UTRN: variants seen among roughly 807,000 people sequenced by gnomAD.
UTRN encodes the protein utrophin.
Under a neutral mutation model 463.9 loss-of-function variants are expected in UTRN, and 283 were observed. The ratio of observed to expected loss-of-function variants is 0.61; its 90% confidence interval spans 0.55 to 0.67. UTRN has a LOEUF of 0.67. UTRN is among the 30% of genes least tolerant of loss of function. The pLI is 0.00. For synonymous variants in UTRN, 1,442 were observed against 1,431.5 expected (o/e 1.01, Z -0.17); for missense variants, 3,922 against 4,084.3 (o/e 0.96, Z 1.08).
At chr6:144,779,246 T>G (rs1562898669) in intron 60 of UTRN, among the ~76,000 whole-genome samples, 1 of 152,186 alleles carries the variant, frequency 6.6e-6, no homozygotes, top group Non-Finnish European at 1.5e-5. Flanking sequence ...TTGAATATGT[T>G]CCTTGGTGTC....
rs142932224 is a variant in UTRN, at chr6:144,827,544, C to T, written c.9534-67C>T. 382 of 1,603,502 alleles carry T rather than the reference C, an allele frequency of 2.4e-4. 1 individual carries two copies. The African/African-American group carries it at 4.8e-3, about 20-fold the overall frequency. ...CAGATTCATTACTTAAGTAACCTAA[C>T]ATTTCTAATAGTAACACCTATCAAT... On this transcript the variant is annotated intron_variant, in intron 67 of 74. Coordinates refer to ENST00000367545, the MANE Select transcript of UTRN (RefSeq NM_007124.3).
At chr6:144,780,930 A>G (rs1416091496) in intron 60 of UTRN, among the ~76,000 whole-genome samples, 2 of 152,156 alleles carry the variant, frequency 1.3e-5, no homozygotes, top group African/African-American at 4.8e-5. Context: ...TTCAAAGCCC[A>G]TTTCAAATCG....
At chr6:144,426,252 A>G (rs1253737971) in intron 6 of UTRN, 35 bp from the exon 7 acceptor site, 5 of 1,577,590 alleles carry the variant, frequency 3.2e-6, no homozygotes, top group Non-Finnish European at 4.3e-6. Context: ...TTACTGAAGT[A>G]TTAGTTATGG....
At chr6:144,704,082 T>C (rs1784844587) in intron 53 of UTRN, among the ~76,000 whole-genome samples, 1 of 152,198 alleles carries the variant, frequency 6.6e-6, no homozygotes, top group Non-Finnish European at 1.5e-5. Flanking sequence ...CTTAGGTCTG[T>C]CTGACTCCAA....
At chr6:144,381,484 G>A (rs968708943) in intron 2 of UTRN, among the ~76,000 whole-genome samples, 5 of 152,122 alleles carry the variant, frequency 3.3e-5, no homozygotes, top group South Asian at 2.1e-4. Flanking sequence ...TTGTAACAGA[G>A]CAATTTATAT....
chr6:144,828,757 A>G (rs747992008), intron 68 of UTRN, 33 bp from the exon 69 acceptor site: 6 of 1,606,870 alleles, frequency 3.7e-6, no homozygotes, highest in East Asian at 2.2e-5. Context: ...CTATATGGCC[A>G]TGTTGTCTAA....
chr6:144,660,339 A>G (rs527630197), intron 51 of UTRN: 99 of 468,312 alleles, frequency 2.1e-4, no homozygotes, highest in Non-Finnish European at 4.2e-4. Flanking sequence ...TTTTTTCACT[A>G]TACATTTAGA....
At chr6:144,526,190 G>A (rs1196356069) in intron 41 of UTRN, among the ~76,000 whole-genome samples, 1 of 152,162 alleles carries the variant, frequency 6.6e-6, no homozygotes, top group Non-Finnish European at 1.5e-5. Context: ...GTAAGTATCT[G>A]TTAAGTCCAT....
intron 51 of UTRN, among the ~76,000 whole-genome samples, chr6:144,659,115 G>A (rs1387407580): frequency 2.0e-5 from 3 of 152,156 alleles, no homozygotes; most frequent in African/African-American, 7.2e-5. Flanking sequence ...ATTTCCTTTT[G>A]TGATTTGTAT....
chr6:144,733,751 G>A (rs1229786012), intron 54 of UTRN, among the ~76,000 whole-genome samples: 1 of 152,144 alleles, frequency 6.6e-6, no homozygotes, highest in Middle Eastern at 3.2e-3. Context: ...GAGCCTTAGA[G>A]ATGAACTAGT....
intron 51 of UTRN, among the ~76,000 whole-genome samples, chr6:144,588,972 T>C (rs1223373895): frequency 6.6e-6 from 1 of 152,146 alleles, no homozygotes; most frequent in Non-Finnish European, 1.5e-5. Context: ...CATCAGAGGG[T>C]TGCTTTTCAT....
intron 46 of UTRN, among the ~76,000 whole-genome samples, chr6:144,548,376 A>T (rs1480336851): frequency 6.6e-6 from 1 of 152,142 alleles, no homozygotes; most frequent in East Asian, 1.9e-4. Context: ...GTTCTCCCAC[A>T]TTTGTACTTT....
At chr6:144,600,276 G>A (rs1804108592) in intron 51 of UTRN, among the ~76,000 whole-genome samples, 1 of 152,206 alleles carries the variant, frequency 6.6e-6, no homozygotes, top group Non-Finnish European at 1.5e-5. Context: ...AGCTAGAAAT[G>A]ATTAAGCTTA....
intron 69 of UTRN, among the ~76,000 whole-genome samples, chr6:144,832,356 A>G (rs1451229725): frequency 6.6e-6 from 1 of 152,226 alleles, no homozygotes; most frequent in Non-Finnish European, 1.5e-5. Flanking sequence ...CCATAATGAA[A>G]GAATGCAATG....
chr6:144,703,927 ATATAT>A, intron 53 of UTRN, among the ~76,000 whole-genome samples: 1 of 152,286 alleles, frequency 6.6e-6, no homozygotes, highest in African/African-American at 2.4e-5. Context: ...TTATGAAATA[ATATAT>A]TAATATTATT....
chr6:144,642,919 T>G (rs1389342202), intron 51 of UTRN, among the ~76,000 whole-genome samples: 5 of 152,224 alleles, frequency 3.3e-5, no homozygotes, highest in African/African-American at 1.2e-4. Context: ...AATACTTTTT[T>G]GCTCCTTCTG....
chr6:144,553,833 C>T (rs1028455331), intron 48 of UTRN, among the ~76,000 whole-genome samples: 13 of 151,146 alleles, frequency 8.6e-5, no homozygotes, highest in Non-Finnish European at 1.5e-4. Context: ...TCACTTGTAC[C>T]TGGGGGCGGA....
chr6:144,469,920 C>A (rs923381954), intron 23 of UTRN, among the ~76,000 whole-genome samples: 1 of 151,942 alleles, frequency 6.6e-6, no homozygotes, highest in Admixed American at 6.6e-5. Flanking sequence ...GAGCATGCTG[C>A]CTTCAAGCAT....
chr6:144,831,027 C>A (rs1304603175), intron 69 of UTRN, among the ~76,000 whole-genome samples: 2 of 152,132 alleles, frequency 1.3e-5, no homozygotes. Flanking sequence ...TACCAACTCA[C>A]GACCGCCATG....
Sources: allele counts gnomAD v4.1 joint callset (sites outside exome capture counted in the v4.1 genomes callset), GRCh38; gene constraint gnomAD v4.1.1; transcripts MANE v1.5; gene names NCBI Gene and HGNC (gene_info 2026-07-23, HGNC 2026-07-21).